Variants in ATP1A1 observed in about 807,000 individuals in gnomAD.
ATP1A1 encodes the protein ATPase Na+/K+ transporting subunit alpha 1.
In ATP1A1, 14 loss-of-function variants were observed where a neutral mutation model predicts 114.8. The observed-to-expected ratio is 0.12, with a 90% CI of 0.08 to 0.19. The LOEUF is 0.19. Among genes scored for constraint, ATP1A1 ranks in the 10% least tolerant of loss-of-function variants. ATP1A1 has a pLI of 1.00. For synonymous variants in ATP1A1, 471 were observed against 466.3 expected (o/e 1.01, Z -0.13); for missense variants, 524 against 1,290.7 (o/e 0.41, Z 9.10).
chr1:116,403,771 T>C, intron 21 of ATP1A1, 113 bp from the exon 22 acceptor site: 5 of 882,778 alleles, frequency 5.7e-6, no homozygotes, highest in Non-Finnish European at 9.0e-6. Flanking sequence ...TGACTGTACT[T>C]GGCTTCTCCT....
Position 116,390,881 on chromosome 1 carries a change from C to G in ATP1A1, c.1322C>G (p.Pro441Arg). The G allele has an allele frequency of 6.2e-7, 1 of 1,613,514 alleles. No homozygotes were observed. Among genetic ancestry groups the G allele is most frequent in the Non-Finnish European group, 8.5e-7 (1 of 1,179,484 alleles). Residue 441 changes from proline (P) to arginine (R), a missense_variant, in exon 10 of 23, where the codon CCT becomes CGT. Coordinates refer to ENST00000295598, the MANE Select transcript of ATP1A1 (RefSeq NM_000701.8). ...TTTCAGGCTAACCAGGAAAACCTAC[C>G]TATTCTTAAGGTATGCTCAAGAGTT... ...AVFQANQENL[P>R]ILKRAVAGDA...
At chr1:116,374,052 C>T in intron 1 of ATP1A1, 8 of 1,404,462 alleles carry the variant, frequency 5.7e-6, no homozygotes, top group Non-Finnish European at 6.5e-6. Context: ...CCCGCCGCGG[C>T]CCCGGTTCCG....
Position 116,384,516 on chromosome 1 carries a change from C to T in ATP1A1, c.124-267C>T, listed in dbSNP as rs1422487680. Reference sequence around the variant, plus strand: ...TAAGGTTTTACTAGATCCCTGAGAGCTGCTGGGTTTCTCTGAAGTGTTATG... The same window carrying T: ...TAAGGTTTTACTAGATCCCTGAGAGTTGCTGGGTTTCTCTGAAGTGTTATG... On this transcript the variant is annotated intron_variant, in intron 2 of 22. Coordinates refer to ENST00000295598, the MANE Select transcript of ATP1A1 (RefSeq NM_000701.8). The surrounding 1 kb of genome is among the most constrained non-coding windows in gnomAD (Gnocchi z 5.1). 6.6e-6 allele frequency among the ~76,000 whole-genome samples: 1 copy of T among 152,158 alleles called. No individual in the cohort carries two copies. Among genetic ancestry groups the T allele is most frequent in the Non-Finnish European group, 1.5e-5 (1 of 68,038 alleles).
In ATP1A1 at chr1:116,387,311, T is replaced by C. The variant is rs2101042584; in HGVS notation, c.207T>C (p.Ala69=). The change falls in exon 4 of 23, where the codon GCT becomes GCC. Residue 69 remains alanine (A), a synonymous_variant. Transcript: ENST00000295598. The surrounding 1 kb of genome is among the most constrained non-coding windows in gnomAD (Gnocchi z 6.7). Reference sequence around the variant, plus strand: ...AGGGATTAACATCTGCTCGTGCAGCTGAGATCCTGGCGCGAGATGGTCCCA... The same window carrying C: ...AGGGATTAACATCTGCTCGTGCAGCCGAGATCCTGGCGCGAGATGGTCCCA... ...LSRGLTSARA[A]EILARDGPNA... 3 of 1,614,176 alleles carry C rather than the reference T, an allele frequency of 1.9e-6. No homozygotes were observed. The highest frequency in any genetic ancestry group is 2.2e-5 in the South Asian group (2 of 91,084).
rs768320809 is a variant in ATP1A1 at position 116,397,853 on chromosome 1, G to A, written c.1974-35G>A. ...GATGGACACATGCTGGTGATGTGAT[G>A]CGTGACTTTTTTTTTTTTTTTGTCC... is the stretch of plus-strand genomic sequence containing the variant. On this transcript the variant is annotated intron_variant, in intron 14 of 22. Coordinates refer to ENST00000295598, the MANE Select transcript of ATP1A1 (RefSeq NM_000701.8). This position sits in a 1 kb window ranked among gnomAD's most constrained non-coding sequence, Gnocchi z 4.2. 1.1e-5 allele frequency: 18 copies of A among 1,585,560 alleles called. 1 individual carries two copies. The highest frequency in any genetic ancestry group is 5.6e-5 in the South Asian group (5 of 89,458).
intron 21 of ATP1A1, among the ~76,000 whole-genome samples, chr1:116,402,764 C>T (rs1653607794): frequency 6.6e-6 from 1 of 152,352 alleles, no homozygotes; most frequent in South Asian, 2.1e-4. Flanking sequence ...CCCTTCAGGG[C>T]CGGTTTCCTT....
At chr1:116,392,468 A>T (rs1397291058) in intron 10 of ATP1A1, 1 of 161,688 alleles carries the variant, frequency 6.2e-6, no homozygotes, top group Non-Finnish European at 1.3e-5. Flanking sequence ...GTATTTTCAG[A>T]TAAGTAACCA....
intron 1 of ATP1A1, chr1:116,374,319 T>C (rs1258536370): frequency 1.3e-6 from 2 of 1,548,260 alleles, no homozygotes; most frequent in East Asian, 4.9e-5. Flanking sequence ...TGTCATCCGA[T>C]GGTGGGGAGA....
At chr1:116,390,143 G>C in intron 8 of ATP1A1, 70 bp from the exon 9 acceptor site, 1 of 1,449,134 alleles carries the variant, frequency 6.9e-7, no homozygotes, top group Non-Finnish European at 9.6e-7. Flanking sequence ...TCCACATTAG[G>C]ATATAGCAAG....
At position 116,398,677 on chromosome 1, in the gene ATP1A1, A is replaced by G. The variant is rs756735134; in HGVS notation, c.2181A>G (p.Lys727=). 4.8e-5 allele frequency: 77 copies of G among 1,614,074 alleles called. No individual in the cohort carries two copies. The highest frequency in any genetic ancestry group is 6.3e-5 in the Non-Finnish European group (74 of 1,180,042). The change falls in exon 16 of 23, where the codon AAA becomes AAG. Residue 727 remains lysine (K), a synonymous_variant. Transcript: ENST00000295598. The surrounding 1 kb of genome is among the most constrained non-coding windows in gnomAD (Gnocchi z 6.1). The part of the protein sequence containing the change: ...DGVNDSPALK[K]ADIGVAMGIA... ...TGAATGACTCTCCAGCTTTGAAGAA[A>G]GCAGACATTGGGGTTGCTATGGGGA...
Position 116,397,206 on chromosome 1 carries a change from TA to T in ATP1A1, c.1973+476del, listed in dbSNP as rs1168780562. On this transcript the variant is annotated intron_variant, in intron 14 of 22. Coordinates refer to ENST00000295598, the MANE Select transcript of ATP1A1 (RefSeq NM_000701.8). The surrounding 1 kb of genome is among the most constrained non-coding windows in gnomAD (Gnocchi z 4.2). ...ACACAGGAGACATTTGGCAATGAAGTAAAACAGATAATAGCAAATTGGTTTT... is the reference window on the plus strand; with the variant it reads ...ACACAGGAGACATTTGGCAATGAAGTAAACAGATAATAGCAAATTGGTTTT... Among the ~76,000 whole-genome samples the T allele has an allele frequency of 6.6e-6, 1 of 152,236 alleles. No homozygotes were observed. Among genetic ancestry groups the T allele is most frequent in the East Asian group, 1.9e-4 (1 of 5,200 alleles).
rs753836177 is a variant in ATP1A1, at chr1:116,389,339, CTT to C, written c.755-96_755-95del. On this transcript the variant is annotated intron_variant, in intron 7 of 22. Coordinates refer to ENST00000295598, the MANE Select transcript of ATP1A1 (RefSeq NM_000701.8). The surrounding 1 kb of genome is among the most constrained non-coding windows in gnomAD (Gnocchi z 6.9). ...CCCTTAAAAAGTGCTTTTATCAACT[CTT>C]TTTGTTTTTTTAGTCATCCTATGTA... is the stretch of plus-strand genomic sequence containing the variant. 231 of 1,493,150 alleles carry C rather than the reference CTT, an allele frequency of 1.5e-4. No individual in the cohort carries two copies. The highest frequency in any genetic ancestry group is 9.4e-4 in the South Asian group (72 of 77,004). The allele number at this position is 1,493,150 out of a possible 1,614,324, so 92.5% of individuals were successfully genotyped here. A position where few individuals can be genotyped will look rare whatever the true frequency, so the allele number is the denominator to read the frequency against.
At position 116,384,908 on chromosome 1, in the gene ATP1A1, T is replaced by C; in HGVS notation, c.183+66T>C. ...TTCCGTATTATATTTTCCCCTGTAT[T>C]ACATACAGGTCTAACCTCAGGGGCT... is the stretch of plus-strand genomic sequence containing the variant. On this transcript the variant is annotated intron_variant, in intron 3 of 22. Transcript: ENST00000295598. This position sits in a 1 kb window ranked among gnomAD's most constrained non-coding sequence, Gnocchi z 5.1. The C allele has an allele frequency of 6.1e-6, 9 of 1,474,562 alleles. No homozygotes were observed. The highest frequency in any genetic ancestry group is 8.5e-6 in the Non-Finnish European group (9 of 1,053,680). The allele number at this position is 1,474,562 out of a possible 1,614,324, so 91.3% of individuals were successfully genotyped here.
At position 116,399,300 on chromosome 1, in the gene ATP1A1, T is replaced by C; in HGVS notation, c.2449-120T>C. On this transcript the variant is annotated intron_variant, in intron 17 of 22. Coordinates refer to ENST00000295598, the MANE Select transcript of ATP1A1 (RefSeq NM_000701.8). The surrounding 1 kb of genome is among the most constrained non-coding windows in gnomAD (Gnocchi z 5.0). ...TTGTTTATCAGATGGGAATCTTTATTTTTGTATACTTCACCTAAAAGATTT... is the reference window on the plus strand; with the variant it reads ...TTGTTTATCAGATGGGAATCTTTATCTTTGTATACTTCACCTAAAAGATTT... 7.0e-7 allele frequency: 1 copy of C among 1,435,416 alleles called. No individual in the cohort carries two copies. The highest frequency in any genetic ancestry group is 9.5e-7 in the Non-Finnish European group (1 of 1,057,306). 88.9% of individuals were successfully genotyped at this position (1,435,416 alleles called of 1,614,324 possible). A position where few individuals can be genotyped will look rare whatever the true frequency, so the allele number is the denominator to read the frequency against.
chr1:116,399,647 C>A lies in ATP1A1; in HGVS notation c.2572+104C>A. 6.7e-7 allele frequency: 1 copy of A among 1,503,130 alleles called. No individual in the cohort carries two copies. The highest frequency in any genetic ancestry group is 9.0e-7 in the Non-Finnish European group (1 of 1,109,010). The allele number at this position is 1,503,130 out of a possible 1,614,324, so 93.1% of individuals were successfully genotyped here. ...TTTCAGAGACTGCAAATCCAGGCGACTTTCAGGTCTAGGATGAGCCCTAAC... is the reference window on the plus strand; with the variant it reads ...TTTCAGAGACTGCAAATCCAGGCGAATTTCAGGTCTAGGATGAGCCCTAAC... On this transcript the variant is annotated intron_variant, in intron 18 of 22. Transcript: ENST00000295598. The surrounding 1 kb of genome is among the most constrained non-coding windows in gnomAD (Gnocchi z 5.0).
chr1:116,395,167 C>A lies in ATP1A1; in HGVS notation c.1718C>A (p.Thr573Asn), dbSNP rs1652804659. The A allele has an allele frequency of 6.2e-7, 1 of 1,614,146 alleles. No homozygotes were observed. The highest frequency in any genetic ancestry group is 1.3e-5 in the African/African-American group (1 of 75,024). Residue 573 changes from threonine to asparagine, a missense_variant, in exon 13 of 23, where the codon ACT (threonine) becomes AAT (asparagine). Thr to Asn is a moderately conservative substitution (Grantham distance 65). Coordinates refer to ENST00000295598, the MANE Select transcript of ATP1A1 (RefSeq NM_000701.8). The surrounding 1 kb of genome is among the most constrained non-coding windows in gnomAD (Gnocchi z 6.4). ...TTTCCTGAAGGGTTCCAGTTTGACA[C>A]TGACGATGTGAATTTCCCTATCGAT... ...EQFPEGFQFDTDDVNFPIDNL... is the reference protein window; with the variant it reads ...EQFPEGFQFDNDDVNFPIDNL...
chr1:116,389,150 G>C lies in ATP1A1; in HGVS notation c.754+131G>C. The C allele has an allele frequency of 8.1e-6, 8 of 989,076 alleles. No individual in the cohort carries two copies. The highest frequency in any genetic ancestry group is 1.2e-5 in the Non-Finnish European group (8 of 652,754). 61.3% of individuals were successfully genotyped at this position (989,076 alleles called of 1,614,324 possible). Reference sequence around the variant, plus strand: ...GAACTTGTGTCAAGCACAGAGCAGAGGTGTTTTCCTAGCTGGCAGGAAACC... The same window carrying C: ...GAACTTGTGTCAAGCACAGAGCAGACGTGTTTTCCTAGCTGGCAGGAAACC... On this transcript the variant is annotated intron_variant, in intron 7 of 22. Transcript: ENST00000295598. The surrounding 1 kb of genome is among the most constrained non-coding windows in gnomAD (Gnocchi z 6.9).
rs1317737450 is a variant in ATP1A1, at chr1:116,381,345, GTAAT to G, written c.13-2667_13-2664del. On this transcript the variant is annotated intron_variant, in intron 1 of 22. Coordinates refer to ENST00000295598, the MANE Select transcript of ATP1A1 (RefSeq NM_000701.8). The surrounding 1 kb of genome is among the most constrained non-coding windows in gnomAD (Gnocchi z 5.1). Reference sequence around the variant, plus strand: ...TGAATTTTGCAGCTTTGAGACTGAGGTAATTGAGACTGATAGGGATTTAAGGATA... The same window carrying G: ...TGAATTTTGCAGCTTTGAGACTGAGGTGAGACTGATAGGGATTTAAGGATA... Among the ~76,000 whole-genome samples, 1 of 152,174 alleles carries G rather than the reference GTAAT, an allele frequency of 6.6e-6. No homozygotes were observed. Among genetic ancestry groups the G allele is most frequent in the Non-Finnish European group, 1.5e-5 (1 of 68,034 alleles).
At position 116,398,148 on chromosome 1, in the gene ATP1A1, G is replaced by T; in HGVS notation, c.2124+110G>T. On this transcript the variant is annotated intron_variant, in intron 15 of 22. Coordinates refer to ENST00000295598, the MANE Select transcript of ATP1A1 (RefSeq NM_000701.8). This position sits in a 1 kb window ranked among gnomAD's most constrained non-coding sequence, Gnocchi z 6.1. ...GATGGATGCATACCTCGCTGTATTA[G>T]ACTCAGTATAAATAGGCCAGTAGGA... 1 of 1,443,152 alleles carries T rather than the reference G, an allele frequency of 6.9e-7. No homozygotes were observed. The highest frequency in any genetic ancestry group is 9.4e-7 in the Non-Finnish European group (1 of 1,066,578). The allele number at this position is 1,443,152 out of a possible 1,614,324, so 89.4% of individuals were successfully genotyped here.
Sources: allele counts gnomAD v4.1 joint callset (sites outside exome capture counted in the v4.1 genomes callset), GRCh38; gene constraint gnomAD v4.1.1; non-coding constraint Gnocchi (gnomAD v3.1); transcripts MANE v1.5; gene names NCBI Gene and HGNC (gene_info 2026-07-23, HGNC 2026-07-21).